Variants in FSHR observed in about 807,000 individuals in gnomAD.
The protein encoded by FSHR is follicle stimulating hormone receptor.
In FSHR, 46 loss-of-function variants were observed where a neutral mutation model predicts 52.1. The ratio of observed to expected loss-of-function variants is 0.88; its 90% CI spans 0.70 to 1.13. FSHR has a LOEUF of 1.13. Ranked by LOEUF, FSHR falls within the 50% of genes most tolerant of loss-of-function variation. FSHR has a pLI of 0.00. For synonymous variants in FSHR, 399 were observed against 309.6 expected, an observed-to-expected ratio of 1.29 and a Z score of -3.03; for missense variants, 964 against 834.6, an observed-to-expected ratio of 1.16 and a Z score of -1.91.
intron 2 of FSHR, among the ~76,000 whole-genome samples, chr2:49,036,497 GTATATC>G (rs67442791): frequency 0.4 from 60,749 of 150,732 alleles, 12,376 homozygotes; most frequent in Non-Finnish European, 0.43. Context: ...ATTTGCATCT[GTATATC>G]TATATCTATA....
At chr2:49,136,059 A>G (rs578261716) in intron 1 of FSHR, among the ~76,000 whole-genome samples, 2 of 151,728 alleles carry the variant, frequency 1.3e-5, no homozygotes, top group African/African-American at 4.8e-5. Flanking sequence ...AATAAGGAAT[A>G]AAAAAAAGAC....
At chr2:49,090,025 C>T (rs1220881576) in intron 1 of FSHR, among the ~76,000 whole-genome samples, 9 of 152,184 alleles carry the variant, frequency 5.9e-5, no homozygotes, top group African/African-American at 1.9e-4. Flanking sequence ...CATGTACAGG[C>T]ATTTTCCAGG....
At chr2:49,091,364 C>T (rs1255158532) in intron 1 of FSHR, among the ~76,000 whole-genome samples, 4 of 152,084 alleles carry the variant, frequency 2.6e-5, no homozygotes, top group African/African-American at 7.2e-5. Context: ...AGTGCAGTAG[C>T]ATCATCACGG....
intron 1 of FSHR, among the ~76,000 whole-genome samples, chr2:49,096,859 G>C (rs575619055): frequency 1.1e-3 from 168 of 152,186 alleles, no homozygotes; most frequent in African/African-American, 4.0e-3. Flanking sequence ...AGATCTGACT[G>C]TCTAAAGGTG....
rs745572382 is a variant in FSHR, at chr2:48,963,948, A to C, written c.873T>G (p.Ile291Met). ...WRRQISELHP[I>M]CNKSILRQEV... ...CTTGCCTTAAAATAGATTTGTTGCAAATTGGATGAAGCTCAGAGCTAGAAA... is the reference window on the plus strand; with the variant it reads ...CTTGCCTTAAAATAGATTTGTTGCACATTGGATGAAGCTCAGAGCTAGAAA... The change falls in exon 10 of 10, where the codon ATT becomes ATG. Residue 291 changes from isoleucine to methionine, a missense_variant. Coordinates refer to ENST00000406846, the MANE Select transcript of FSHR (RefSeq NM_000145.4). The C allele has an allele frequency of 6.2e-7, 1 of 1,613,484 alleles. No homozygotes were observed. Among genetic ancestry groups the C allele is most frequent in the East Asian group, 2.2e-5 (1 of 44,878 alleles).
intron 1 of FSHR, among the ~76,000 whole-genome samples, chr2:49,074,093 A>C (rs1669858065): frequency 6.6e-6 from 1 of 152,124 alleles, no homozygotes; most frequent in South Asian, 2.1e-4. Context: ...CTACTAGAAG[A>C]AAATGTAGAA....
At chr2:49,002,675 C>G (rs1666942896) in intron 4 of FSHR, among the ~76,000 whole-genome samples, 1 of 152,094 alleles carries the variant, frequency 6.6e-6, no homozygotes, top group Non-Finnish European at 1.5e-5. Flanking sequence ...TCAACTACCT[C>G]CCATGAAGTC....
chr2:48,997,373 A>C, intron 4 of FSHR: 1 of 985,152 alleles, frequency 1.0e-6, no homozygotes, highest in Non-Finnish European at 1.2e-6. Flanking sequence ...GGGAAATTTA[A>C]GGAGCTCAAG....
chr2:48,998,489 A>G (rs561476695), intron 4 of FSHR, among the ~76,000 whole-genome samples: 1 of 152,106 alleles, frequency 6.6e-6, no homozygotes, highest in Non-Finnish European at 1.5e-5. Flanking sequence ...AAAAAATTCA[A>G]CATATTCCAG....
At chr2:49,043,429 G>A (rs752675946) in intron 2 of FSHR, among the ~76,000 whole-genome samples, 2 of 152,158 alleles carry the variant, frequency 1.3e-5, no homozygotes, top group African/African-American at 2.4e-5. Context: ...TAATTAGGCT[G>A]AGATAAATGG....
chr2:49,134,463 G>T (rs963984403), intron 1 of FSHR, among the ~76,000 whole-genome samples: 2 of 152,222 alleles, frequency 1.3e-5, no homozygotes, highest in Non-Finnish European at 2.9e-5. Flanking sequence ...TTACACTGTT[G>T]GTGGGACTGT....
At chr2:49,127,823 CTTCT>C (rs1558456588) in intron 1 of FSHR, among the ~76,000 whole-genome samples, 53 of 45,084 alleles carry the variant, frequency 1.2e-3, no homozygotes, top group African/African-American at 4.7e-3. Context: ...TCTTCTTCTT[CTTCT>C]TCCTCTTCTT....
intron 4 of FSHR, among the ~76,000 whole-genome samples, chr2:49,008,903 G>A (rs1344701974): frequency 6.6e-6 from 1 of 151,798 alleles, no homozygotes; most frequent in Non-Finnish European, 1.5e-5. Flanking sequence ...ATTTGTTTGA[G>A]TTCATTGTAG....
chr2:49,137,283 A>T (rs1203095606), intron 1 of FSHR, among the ~76,000 whole-genome samples: 1 of 152,108 alleles, frequency 6.6e-6, no homozygotes, highest in Non-Finnish European at 1.5e-5. Context: ...TTAGGAATAG[A>T]TTTAACAAAA....
intron 8 of FSHR, among the ~76,000 whole-genome samples, chr2:48,973,347 A>G (rs1363049651): frequency 6.8e-6 from 1 of 146,104 alleles, no homozygotes; most frequent in African/African-American, 2.8e-5. Flanking sequence ...AGTGATGGGG[A>G]CTACTTGGAA....
At chr2:49,032,617 C>T (rs116383959) in intron 2 of FSHR, among the ~76,000 whole-genome samples, 1,704 of 152,030 alleles carry the variant, frequency 0.011, 38 homozygotes, top group African/African-American at 0.039. Context: ...CACTGATGGG[C>T]GAAATAAATG....
rs538348680 is a variant in FSHR at position 48,991,956 on chromosome 2, C to A, written c.375-1319G>T. Among the ~76,000 whole-genome samples, 4 of 151,354 alleles carry A rather than the reference C, an allele frequency of 2.6e-5. No homozygotes were observed. The East Asian group carries it at 7.8e-4, about 30-fold the overall frequency. ...TCAAGAAGATTTGGTGCCTTGTTCT[C>A]TGCTTCTGTATTTAGAGAGGAAGTG... On this transcript the variant is annotated intron_variant, in intron 4 of 9. Transcript: ENST00000406846.
intron 1 of FSHR, among the ~76,000 whole-genome samples, chr2:49,084,320 A>G (rs1449593294): frequency 6.6e-6 from 1 of 152,122 alleles, no homozygotes; most frequent in Non-Finnish European, 1.5e-5. Flanking sequence ...ACAACATACC[A>G]GAATCTCTGG....
intron 1 of FSHR, among the ~76,000 whole-genome samples, chr2:49,071,373 AT>A (rs1669721557): frequency 6.6e-6 from 1 of 152,194 alleles, no homozygotes; most frequent in African/African-American, 2.4e-5. Context: ...CCTTGTAAAA[AT>A]ATCTTCAAAA....
Sources: gnomAD v4.1 joint callset for allele counts (sites outside exome capture counted in the v4.1 genomes callset) on GRCh38, gnomAD v4.1.1 for gene constraint, MANE v1.5 for transcripts, NCBI Gene and HGNC (gene_info 2026-07-23, HGNC 2026-07-21) for gene names.